The following EPHA10 variants were observed in gnomAD, a reference collection of about 807,000 sequenced individuals.
EPHA10 encodes EPH receptor A10.
EPHA10 carries 120 observed loss-of-function variants against 109.7 expected under a neutral mutation model. That is an observed-to-expected ratio of 1.09 (90% CI 0.94 to 1.27). The LOEUF (loss-of-function observed/expected upper bound fraction) is 1.27, where lower values mean the gene tolerates loss of function less well. Among genes scored for constraint, EPHA10 ranks in the 50% most tolerant of loss-of-function variants. The pLI, the probability that EPHA10 is intolerant of heterozygous loss-of-function variation, is 0.00. For synonymous variants in EPHA10, 640 were observed against 618.9 expected (o/e 1.03, Z -0.51); for missense variants, 1,396 against 1,411.1 (o/e 0.99, Z 0.17).
Position 37,720,545 on chromosome 1 carries a change from C to T in EPHA10, c.2218G>A (p.Gly740Arg), listed in dbSNP as rs1645775028. ...ATCAGTTGCCCAGCCACCAGCTGCC[C>T]CTCGTGCCGCTGTGGAGGGAGAAGA... is the stretch of plus-strand genomic sequence containing the variant. ...ALDGFLRRHE[G>R]QLVAGQLMGL... is the part of the protein sequence containing the mutation. Residue 740 changes from glycine (G) to arginine (R), a missense_variant, in exon 13 of 17, where the codon GGG becomes AGG. Transcript: ENST00000373048. 6.2e-7 allele frequency: 1 copy of T among 1,610,034 alleles called. No individual in the cohort carries two copies. The highest frequency in any genetic ancestry group is 1.3e-5 in the African/African-American group (1 of 74,758).
chr1:37,762,180 T>C, intron 2 of EPHA10, 97 bp from the exon 3 acceptor site: 1 of 1,160,590 alleles, frequency 8.6e-7, no homozygotes. Flanking sequence ...TCATGCACCA[T>C]GCACACCCCG....
chr1:37,738,791 G>A (rs1188056757), intron 5 of EPHA10, among the ~76,000 whole-genome samples: 2 of 152,062 alleles, frequency 1.3e-5, no homozygotes, highest in Non-Finnish European at 2.9e-5. Context: ...AGAAAATATG[G>A]TGTATACTCC....
rs1033841719 is a variant in EPHA10 at position 37,717,398 on chromosome 1, C to T, written c.*974G>A. On this transcript the variant is annotated 3_prime_UTR_variant, in exon 17 of 17. Coordinates refer to ENST00000373048, the MANE Select transcript of EPHA10 (RefSeq NM_001099439.2). ...CTCTCTCCCCAGAGCCAGCCTTACC[C>T]CTGGATTGGGTTCTGACCTCAGCTC... is the stretch of plus-strand genomic sequence containing the variant. 4.3e-6 allele frequency: 1 copy of T among 232,390 alleles called. No individual in the cohort carries two copies. Among genetic ancestry groups the T allele is most frequent in the Admixed American group, 5.6e-5 (1 of 17,742 alleles). 14.4% of individuals were successfully genotyped at this position (232,390 alleles called of 1,614,324 possible).
chr1:37,753,349 A>G, intron 4 of EPHA10, 123 bp from the exon 5 acceptor site: 1 of 593,656 alleles, frequency 1.7e-6, no homozygotes, highest in Non-Finnish European at 2.4e-6. Context: ...CAGGGGCGCG[A>G]GGGTCAGTCG....
At chr1:37,722,841 A>G in intron 10 of EPHA10, 200 bp downstream of exon 10, 1 of 763,938 alleles carries the variant, frequency 1.3e-6, no homozygotes. Flanking sequence ...CCCTTCTGCC[A>G]TCCTCTTCCC....
chr1:37,744,341 C>T lies in EPHA10; in HGVS notation c.1357+8535G>A, dbSNP rs1646198686. Among the ~76,000 whole-genome samples, 3 of 149,752 alleles carry T rather than the reference C, an allele frequency of 2.0e-5. No homozygotes were observed. The Admixed American group carries it at 2.0e-4, about 10-fold the overall frequency. On this transcript the variant is annotated intron_variant, in intron 5 of 16. Coordinates refer to ENST00000373048, the MANE Select transcript of EPHA10 (RefSeq NM_001099439.2). ...AGCCTGGCCAACATGGTAAAACTGTCTCAACTAAAAATACAAAAAAAAAAA... is the reference window on the plus strand; with the variant it reads ...AGCCTGGCCAACATGGTAAAACTGTTTCAACTAAAAATACAAAAAAAAAAA...
intron 5 of EPHA10, among the ~76,000 whole-genome samples, chr1:37,741,592 G>A (rs1306742918): frequency 3.3e-5 from 5 of 152,128 alleles, no homozygotes; most frequent in Non-Finnish European, 7.4e-5. Flanking sequence ...ATGGGGGCTG[G>A]AGAGTAGAGT....
rs112395987 is a variant in EPHA10, at chr1:37,753,728, G to A, written c.1006+487C>T. ...GGGGTGAGTGGGAGCAGGGGCGAGC[G>A]GGAGGAGGGGCTTGCCCCGGGAAGG... On this transcript the variant is annotated intron_variant, in intron 4 of 16. Coordinates refer to ENST00000373048, the MANE Select transcript of EPHA10 (RefSeq NM_001099439.2). Among the ~76,000 whole-genome samples, 3 of 148,384 alleles carry A rather than the reference G, an allele frequency of 2.0e-5. No homozygotes were observed. In the South Asian group the frequency reaches 6.7e-4, roughly 33 times the overall value.
Position 37,760,505 on chromosome 1 carries a change from C to T in EPHA10, c.850+900G>A, listed in dbSNP as rs1646421335. On this transcript the variant is annotated intron_variant, in intron 3 of 16. Transcript: ENST00000373048. ...TCTTCGTAATCATCTAGTGCAACTT[C>T]CCAATCCCTCTCTCCAGCATAAAAA... 3 of 997,388 alleles carry T rather than the reference C, an allele frequency of 3.0e-6. No homozygotes were observed. The African/African-American group carries it at 5.1e-5, about 17-fold the overall frequency. 61.8% of individuals were successfully genotyped at this position (997,388 alleles called of 1,614,324 possible).
chr1:37,719,614 C>T lies in EPHA10; in HGVS notation c.2563-7G>A. On this transcript the variant is annotated splice_region_variant and splice_polypyrimidine_tract_variant and intron_variant, in intron 14 of 16. Coordinates refer to ENST00000373048, the MANE Select transcript of EPHA10 (RefSeq NM_001099439.2). ...CCTCCACAGCCTTGATCACCTGGGC[C>T]ACAGGGGTGGGGAGCAGAGAGGAGG... 1 of 1,612,778 alleles carries T rather than the reference C, an allele frequency of 6.2e-7. No individual in the cohort carries two copies. Among genetic ancestry groups the T allele is most frequent in the East Asian group, 2.2e-5 (1 of 44,866 alleles).
At chr1:37,757,411 C>A (rs1366614152) in intron 3 of EPHA10, among the ~76,000 whole-genome samples, 1 of 152,168 alleles carries the variant, frequency 6.6e-6, no homozygotes, top group East Asian at 1.9e-4. Flanking sequence ...TCCAACAGCT[C>A]CCCACTGCCA....
chr1:37,755,784 C>A (rs1646388440), intron 3 of EPHA10, among the ~76,000 whole-genome samples: 1 of 152,124 alleles, frequency 6.6e-6, no homozygotes, highest in South Asian at 2.1e-4. Flanking sequence ...GCTAAACACC[C>A]ACTTTAAAAA....
At chr1:37,735,440 G>A (rs950691255) in intron 5 of EPHA10, 50 bp from the exon 6 acceptor site, 2 of 1,545,176 alleles carry the variant, frequency 1.3e-6, no homozygotes, top group South Asian at 1.2e-5. Flanking sequence ...CTCACGGCAG[G>A]GCTGGGGGTG....
In EPHA10 at chr1:37,717,039, A is replaced by G. The variant is rs530990886; in HGVS notation, c.*1333T>C. On this transcript the variant is annotated 3_prime_UTR_variant, in exon 17 of 17. Transcript: ENST00000373048. ...CCTCTTTCCCGCCCCATCCCACCCC[A>G]CCAACACACAGCCAAGCAGAGCAGA... 1.3e-5 allele frequency: 2 copies of G among 155,074 alleles called. No homozygotes were observed. The highest frequency in any genetic ancestry group is 1.4e-4 in the Admixed American group (2 of 14,598). 9.6% of individuals were successfully genotyped at this position (155,074 alleles called of 1,614,324 possible). A position where few individuals can be genotyped will look rare whatever the true frequency, so the allele number is the denominator to read the frequency against.
Position 37,731,358 on chromosome 1 carries a change from C to T in EPHA10, c.1663+53G>A, listed in dbSNP as rs147009655. ...CTCTATTTGTCTCCCTACCTCAGCC[C>T]CGTGCAGGGTTCTCTCTGTCTAGGT... is the stretch of plus-strand genomic sequence containing the variant. On this transcript the variant is annotated intron_variant, in intron 7 of 16. Coordinates refer to ENST00000373048, the MANE Select transcript of EPHA10 (RefSeq NM_001099439.2). 3.5e-4 allele frequency: 520 copies of T among 1,498,730 alleles called. 4 individuals carry two copies. The Middle Eastern group carries it at 0.012, about 34-fold the overall frequency. The allele number at this position is 1,498,730 out of a possible 1,614,324, so 92.8% of individuals were successfully genotyped here.
chr1:37,741,258 G>A (rs941023838), intron 5 of EPHA10, among the ~76,000 whole-genome samples: 1 of 152,192 alleles, frequency 6.6e-6, no homozygotes, highest in African/African-American at 2.4e-5. Context: ...GCTGGCGCTG[G>A]GCCATGTCTT....
chr1:37,744,347 T>C (rs1264423356), intron 5 of EPHA10, among the ~76,000 whole-genome samples: 1 of 138,636 alleles, frequency 7.2e-6, no homozygotes, highest in Non-Finnish European at 1.6e-5. Flanking sequence ...CTGTCTCAAC[T>C]AAAAATACAA....
At chr1:37,762,669 G>A in intron 2 of EPHA10, 116 bp downstream of exon 2, 5 of 852,664 alleles carry the variant, frequency 5.9e-6, no homozygotes, top group African/African-American at 1.8e-5. Flanking sequence ...CAGGGCTGCT[G>A]GAGACCACAC....
chr1:37,735,174 G>A, intron 6 of EPHA10, 83 bp downstream of exon 6: 1 of 1,524,938 alleles, frequency 6.6e-7, no homozygotes, highest in Non-Finnish European at 8.9e-7. Context: ...GAGGGCTTTT[G>A]CTGGGAGGAT....
Sources: gnomAD v4.1 joint callset for allele counts (sites outside exome capture counted in the v4.1 genomes callset) on GRCh38, gnomAD v4.1.1 for gene constraint, MANE v1.5 for transcripts, NCBI Gene and HGNC (gene_info 2026-07-23, HGNC 2026-07-21) for gene names.